EPHB1: variants seen among roughly 807,000 people sequenced by gnomAD.
EPHB1 encodes ephrin type-B receptor 1.
EPHB1 carries 30 observed loss-of-function variants against 94.4 expected under a neutral mutation model. The observed-to-expected ratio is 0.32, with a 90% CI of 0.24 to 0.43. The LOEUF (loss-of-function observed/expected upper bound fraction) is 0.43. EPHB1 is among the 20% of genes least tolerant of loss of function. The pLI, the probability that EPHB1 is intolerant of heterozygous loss-of-function variation, is 1.00. For synonymous variants in EPHB1, 522 were observed against 489.1 expected, an observed-to-expected ratio of 1.07 and a Z score of -0.89; for missense variants, 1,055 against 1,308.3, an observed-to-expected ratio of 0.81 and a Z score of 2.99.
At chr3:134,909,761 C>T (rs1474644947) in intron 1 of EPHB1, among the ~76,000 whole-genome samples, 4 of 152,342 alleles carry the variant, frequency 2.6e-5, no homozygotes, top group South Asian at 4.1e-4. Flanking sequence ...TTCACCCCTA[C>T]CTCCACAGGG....
rs140470260 is a variant in EPHB1 at position 134,822,492 on chromosome 3, A to C, written c.58+26803A>C. On this transcript the variant is annotated intron_variant, in intron 1 of 15. Coordinates refer to ENST00000398015, the MANE Select transcript of EPHB1 (RefSeq NM_004441.5). ...ATTTTTCATTCCCATTGCAAAAAGGAATCACTTCCTAAAGTCAGGAAGTTG... is the reference window on the plus strand; with the variant it reads ...ATTTTTCATTCCCATTGCAAAAAGGCATCACTTCCTAAAGTCAGGAAGTTG... Among the ~76,000 whole-genome samples, 14 of 152,344 alleles carry C rather than the reference A, an allele frequency of 9.2e-5. No homozygotes were observed. In the East Asian group the frequency reaches 2.7e-3, roughly 29 times the overall value.
chr3:135,193,619 G>A (rs1292360080), intron 11 of EPHB1, among the ~76,000 whole-genome samples: 3 of 152,164 alleles, frequency 2.0e-5, no homozygotes, highest in Non-Finnish European at 2.9e-5. Context: ...TCAAAGAATG[G>A]GCAGAGCCTT....
At chr3:135,074,203 T>C (rs1937827031) in intron 3 of EPHB1, among the ~76,000 whole-genome samples, 1 of 152,264 alleles carries the variant, frequency 6.6e-6, no homozygotes, top group South Asian at 2.1e-4. Flanking sequence ...TTCTCTGTCT[T>C]GATCAGTTTT....
chr3:135,125,047 G>A lies in EPHB1; in HGVS notation c.962-7667G>A, dbSNP rs115659303. Among the ~76,000 whole-genome samples the A allele has an allele frequency of 3.3e-3, 497 of 151,648 alleles. 17 individuals are homozygous for A. Among genetic ancestry groups the A allele is most frequent in the African/African-American group, 0.011 (467 of 41,006 alleles). Reference sequence around the variant, plus strand: ...TCCCATATGTCTGGTATTCATTGTCGGCAGATTGCAGACAATGCTTGGTCT... The same window carrying A: ...TCCCATATGTCTGGTATTCATTGTCAGCAGATTGCAGACAATGCTTGGTCT... On this transcript the variant is annotated intron_variant, in intron 4 of 15. Transcript: ENST00000398015.
At chr3:135,114,879 C>G (rs1184451533) in intron 4 of EPHB1, among the ~76,000 whole-genome samples, 1 of 152,086 alleles carries the variant, frequency 6.6e-6, no homozygotes, top group African/African-American at 2.4e-5. Context: ...CAGCTAAAAT[C>G]CAAGCACAGG....
chr3:134,908,148 G>A (rs1403946857), intron 1 of EPHB1, among the ~76,000 whole-genome samples: 2 of 152,242 alleles, frequency 1.3e-5, no homozygotes, highest in African/African-American at 4.8e-5. Context: ...AGTGCAGTAA[G>A]CTGTGTATCT....
rs941632016 is a variant in EPHB1 at position 134,795,586 on chromosome 3, C to T, written c.-46C>T. On this transcript the variant is annotated 5_prime_UTR_variant, in exon 1 of 16. Transcript: ENST00000398015. ...GCCCTGGGACGCGGCGCTCTCCCGG[C>T]GCTGCTGCCTCGGCTTGGTCTCGGC... 1.3e-6 allele frequency: 2 copies of T among 1,587,376 alleles called. No individual in the cohort carries two copies. Among genetic ancestry groups the T allele is most frequent in the African/African-American group, 1.4e-5 (1 of 71,936 alleles).
rs1392800417 is a variant in EPHB1 at position 134,889,839 on chromosome 3, G to A, written c.59-35977G>A. 2.0e-5 allele frequency among the ~76,000 whole-genome samples: 3 copies of A among 149,436 alleles called. No homozygotes were observed. In the South Asian group the frequency reaches 6.3e-4, roughly 32 times the overall value. ...ACTACCGGTGCCCGCCACCACACCC[G>A]GCTAATTTTTTTGTATTTTTAGTAG... is the stretch of plus-strand genomic sequence containing the variant. On this transcript the variant is annotated intron_variant, in intron 1 of 15. Coordinates refer to ENST00000398015, the MANE Select transcript of EPHB1 (RefSeq NM_004441.5).
intron 3 of EPHB1, among the ~76,000 whole-genome samples, chr3:134,987,068 G>A (rs889230996): frequency 2.0e-5 from 3 of 152,076 alleles, no homozygotes; most frequent in Non-Finnish European, 4.4e-5. Context: ...TACACAGAGG[G>A]AACTTTGACC....
chr3:134,937,560 C>T (rs2039028202), intron 2 of EPHB1, among the ~76,000 whole-genome samples: 1 of 152,258 alleles, frequency 6.6e-6, no homozygotes, highest in Non-Finnish European at 1.5e-5. Context: ...ATGAGGAGCC[C>T]ATTTCCTTAG....
intron 1 of EPHB1, among the ~76,000 whole-genome samples, chr3:134,803,492 T>A (rs941265745): frequency 6.6e-6 from 1 of 152,082 alleles, no homozygotes; most frequent in African/African-American, 2.4e-5. Flanking sequence ...ACATGACATG[T>A]CAGAAGCAGG....
At chr3:135,013,382 G>C (rs1362756566) in intron 3 of EPHB1, among the ~76,000 whole-genome samples, 1 of 152,208 alleles carries the variant, frequency 6.6e-6, no homozygotes, top group African/African-American at 2.4e-5. Context: ...CTGCCTGTCA[G>C]GGGGAGTGGG....
chr3:135,000,067 C>T (rs1484349211), intron 3 of EPHB1, among the ~76,000 whole-genome samples: 1 of 152,184 alleles, frequency 6.6e-6, no homozygotes, highest in Non-Finnish European at 1.5e-5. Context: ...TTCTCTCACC[C>T]CTATGCATCC....
intron 4 of EPHB1, among the ~76,000 whole-genome samples, chr3:135,124,923 G>C (rs1400718363): frequency 6.6e-6 from 1 of 151,602 alleles, no homozygotes; most frequent in Non-Finnish European, 1.5e-5. Flanking sequence ...CAACCTTCTA[G>C]CCAGCACCTG....
intron 3 of EPHB1, among the ~76,000 whole-genome samples, chr3:135,104,087 C>CT (rs1334942883): frequency 2.6e-5 from 4 of 152,172 alleles, no homozygotes; most frequent in African/African-American, 9.7e-5. Flanking sequence ...AATATGAATG[C>CT]TTGAGTCATC....
chr3:135,021,978 T>TTTTG (rs10662274), intron 3 of EPHB1, among the ~76,000 whole-genome samples: 33,895 of 151,892 alleles, frequency 0.22, 3,877 homozygotes, highest in Middle Eastern at 0.26. Flanking sequence ...GAATGTTGTG[T>TTTTG]TTTGTTTGTT....
chr3:135,206,666 G>A (rs1187185675), intron 12 of EPHB1, among the ~76,000 whole-genome samples: 6 of 152,128 alleles, frequency 3.9e-5, no homozygotes, highest in African/African-American at 9.7e-5. Flanking sequence ...CCTGACCAAC[G>A]TGGTGACACC....
At chr3:135,181,147 T>C (rs1388054935) in intron 10 of EPHB1, among the ~76,000 whole-genome samples, 1 of 152,226 alleles carries the variant, frequency 6.6e-6, no homozygotes, top group East Asian at 1.9e-4. Context: ...AAGTCACATT[T>C]GAGAGTCTGT....
chr3:134,917,943 A>G (rs981533100), intron 1 of EPHB1, among the ~76,000 whole-genome samples: 25 of 152,230 alleles, frequency 1.6e-4, no homozygotes, highest in African/African-American at 6.0e-4. Context: ...CAAGAGGGAA[A>G]GCCTCTACCT....
Sources: allele counts gnomAD v4.1 joint callset (sites outside exome capture counted in the v4.1 genomes callset), GRCh38; gene constraint gnomAD v4.1.1; transcripts MANE v1.5; gene names NCBI Gene and HGNC (gene_info 2026-07-23, HGNC 2026-07-21).